Variants in ABTB3 observed in about 807,000 individuals in gnomAD.
The protein encoded by ABTB3 is ankyrin repeat and BTB domain containing 3.
chr12:107,442,815 G>A, the ABTB3 span, among the ~76,000 whole-genome samples: 1 of 152,170 alleles, frequency 6.6e-6, no homozygotes, highest in Non-Finnish European at 1.5e-5. Context: ...TCCATTCCCA[G>A]GGCAGCTGTC....
At chr12:107,404,302 T>C in the ABTB3 span, among the ~76,000 whole-genome samples, 641 of 152,230 alleles carry the variant, frequency 4.2e-3, 1 homozygote, top group African/African-American at 0.015. Flanking sequence ...TCTATTCTAA[T>C]GATCCATGTC....
At chr12:107,395,913 G>A in the ABTB3 span, among the ~76,000 whole-genome samples, 857 of 152,348 alleles carry the variant, frequency 5.6e-3, 11 homozygotes, top group African/African-American at 0.019. Context: ...TCATAGTATC[G>A]TGTGGTGAGC....
chr12:107,508,443 T>TTTTTTTTTTTTG, the ABTB3 span, among the ~76,000 whole-genome samples: 4 of 74,932 alleles, frequency 5.3e-5, no homozygotes, highest in Non-Finnish European at 7.6e-5. Context: ...CATTTCTTTT[T>TTTTTTTTTTTTG]TTTTTTTTTT....
At chr12:107,495,741 G>A in the ABTB3 span, among the ~76,000 whole-genome samples, 1 of 152,172 alleles carries the variant, frequency 6.6e-6, no homozygotes, top group Non-Finnish European at 1.5e-5. Context: ...GCTTCTCATT[G>A]TGCCTAACAT....
the ABTB3 span, among the ~76,000 whole-genome samples, chr12:107,515,424 C>T: frequency 3.1e-3 from 468 of 152,340 alleles, 1 homozygote; most frequent in Non-Finnish European, 5.1e-3. Flanking sequence ...CATCCCCTTT[C>T]CCTAACTAGA....
chr12:107,366,274 A>G, the ABTB3 span, among the ~76,000 whole-genome samples: 1 of 152,264 alleles, frequency 6.6e-6, no homozygotes, highest in Non-Finnish European at 1.5e-5. Flanking sequence ...AGAGGAAGCC[A>G]GGGACCTTGA....
At chr12:107,603,174 C>G in the ABTB3 span, among the ~76,000 whole-genome samples, 2 of 152,194 alleles carry the variant, frequency 1.3e-5, no homozygotes, top group Admixed American at 1.3e-4. Context: ...GGTGGAGATC[C>G]TTCAGAAACT....
chr12:107,444,657 C>A, the ABTB3 span, among the ~76,000 whole-genome samples: 1 of 152,240 alleles, frequency 6.6e-6, no homozygotes, highest in African/African-American at 2.4e-5. Flanking sequence ...CAGGTCTGCT[C>A]GAGATGAAAT....
the ABTB3 span, among the ~76,000 whole-genome samples, chr12:107,382,075 A>T: frequency 6.6e-6 from 1 of 152,210 alleles, no homozygotes; most frequent in Non-Finnish European, 1.5e-5. Flanking sequence ...AAAAACAATA[A>T]ATGAAGAAAT....
chr12:107,552,865 A>G, the ABTB3 span, among the ~76,000 whole-genome samples: 3 of 152,180 alleles, frequency 2.0e-5, no homozygotes, highest in African/African-American at 4.8e-5. Flanking sequence ...CTACCACTTC[A>G]GATTGTACTA....
At chr12:107,529,415 A>G in the ABTB3 span, among the ~76,000 whole-genome samples, 1 of 151,892 alleles carries the variant, frequency 6.6e-6, no homozygotes, top group Admixed American at 6.6e-5. Flanking sequence ...GATGACAGAG[A>G]CGATAATCAT....
the ABTB3 span, among the ~76,000 whole-genome samples, chr12:107,385,774 G>T: frequency 6.6e-6 from 1 of 152,184 alleles, no homozygotes; most frequent in Admixed American, 6.5e-5. Flanking sequence ...AAGTTGGGCA[G>T]TCTTATGAGA....
chr12:107,455,377 G>A, the ABTB3 span, among the ~76,000 whole-genome samples: 2 of 151,880 alleles, frequency 1.3e-5, no homozygotes, highest in Non-Finnish European at 2.9e-5. Context: ...TGGTCTTTCT[G>A]CCTGGTGTGT....
chr12:107,366,933 G>A, the ABTB3 span, among the ~76,000 whole-genome samples: 3 of 152,158 alleles, frequency 2.0e-5, no homozygotes, highest in Non-Finnish European at 2.9e-5. Flanking sequence ...TCCTACAGGT[G>A]AGGCCTGAGC....
At chr12:107,455,499 T>A in the ABTB3 span, among the ~76,000 whole-genome samples, 1 of 152,222 alleles carries the variant, frequency 6.6e-6, no homozygotes, top group Non-Finnish European at 1.5e-5. Context: ...GTGAGCAGTG[T>A]CTCACTCACC....
chr12:107,362,127 C>A, the ABTB3 span, among the ~76,000 whole-genome samples: 3 of 152,226 alleles, frequency 2.0e-5, no homozygotes, highest in Non-Finnish European at 4.4e-5. Context: ...GCTACAGCAA[C>A]CCAAACAGAC....
the ABTB3 span, among the ~76,000 whole-genome samples, chr12:107,358,893 A>G: frequency 6.6e-6 from 1 of 152,062 alleles, no homozygotes; most frequent in East Asian, 1.9e-4. Context: ...CTCGGCCTCC[A>G]CCGTCTATTT....
the ABTB3 span, among the ~76,000 whole-genome samples, chr12:107,474,720 T>A: frequency 2.0e-5 from 3 of 152,166 alleles, no homozygotes; most frequent in East Asian, 5.8e-4. Flanking sequence ...GGAAAAGCCT[T>A]AACTTGTTAT....
At chr12:107,395,767 C>T in the ABTB3 span, among the ~76,000 whole-genome samples, 1 of 152,214 alleles carries the variant, frequency 6.6e-6, no homozygotes, top group Admixed American at 6.5e-5. Flanking sequence ...TTCTCAGCTG[C>T]CTCCCTTCTG....
Sources: allele counts gnomAD v4.1 joint callset (sites outside exome capture counted in the v4.1 genomes callset), GRCh38; gene constraint gnomAD v4.1.1; transcripts MANE v1.5; gene names NCBI Gene and HGNC (gene_info 2026-07-23, HGNC 2026-07-21).